Variants in FUT9 observed in about 807,000 individuals in gnomAD.
FUT9 encodes fucosyltransferase 9.
A neutral mutation model predicts 29.7 loss-of-function variants in FUT9; 15 were observed. That is an observed-to-expected ratio of 0.51 (90% confidence interval 0.34 to 0.78). The LOEUF is 0.78. Among genes scored for constraint, FUT9 ranks in the 30% least tolerant of loss-of-function variants. The probability of loss-of-function intolerance (pLI) is 0.01; values close to 1 mark genes in which losing one functional copy is unlikely to be tolerated. For synonymous variants in FUT9, 169 were observed against 153.7 expected, an observed-to-expected ratio of 1.10 and a Z score of -0.74; for missense variants, 319 against 425.4, an observed-to-expected ratio of 0.75 and a Z score of 2.20.
In FUT9 at chr6:96,058,767, G is replaced by A. The variant is rs770441247; in HGVS notation, c.-98+42555G>A. Among the ~76,000 whole-genome samples the A allele has an allele frequency of 1.6e-4, 24 of 152,150 alleles. 1 individual carries two copies. In the Middle Eastern group the frequency reaches 0.01, roughly 65 times the overall value. ...TGGCAATCTTACCTCATGTTGTTTT[G>A]TACTTTGTATACTTGGCTTGGTTTA... On this transcript the variant is annotated intron_variant, in intron 1 of 2. Coordinates refer to ENST00000302103, the MANE Select transcript of FUT9 (RefSeq NM_006581.4).
intron 1 of FUT9, among the ~76,000 whole-genome samples, chr6:96,047,761 T>A (rs567328539): frequency 3.0e-4 from 46 of 152,270 alleles, no homozygotes; most frequent in African/African-American, 9.9e-4. Flanking sequence ...ATAAGATGAC[T>A]TAAGACAGGC....
Position 96,126,206 on chromosome 6 carries a change from G to A in FUT9, c.-9+12079G>A, listed in dbSNP as rs568445684. On this transcript the variant is annotated intron_variant, in intron 2 of 2. Transcript: ENST00000302103. ...GATGAAGAAAAGAAATTTATGGTAC[G>A]GCAGGCTGTACAAGAACCATGGCAC... is the stretch of plus-strand genomic sequence containing the variant. Among the ~76,000 whole-genome samples, 5 of 152,242 alleles carry A rather than the reference G, an allele frequency of 3.3e-5. No homozygotes were observed. The East Asian group carries it at 5.8e-4, about 18-fold the overall frequency.
chr6:96,104,701 T>C (rs1771646342), intron 1 of FUT9, among the ~76,000 whole-genome samples: 1 of 151,928 alleles, frequency 6.6e-6, no homozygotes, highest in African/African-American at 2.4e-5. Flanking sequence ...CGGCACATTT[T>C]TTGTGTTTTC....
At chr6:96,040,623 A>G (rs1001184327) in intron 1 of FUT9, among the ~76,000 whole-genome samples, 7 of 152,178 alleles carry the variant, frequency 4.6e-5, no homozygotes, top group Non-Finnish European at 1.0e-4. Flanking sequence ...CTAAACCCAG[A>G]TACCACAGTT....
chr6:96,138,642 T>C (rs554928817), intron 2 of FUT9, among the ~76,000 whole-genome samples: 1 of 152,328 alleles, frequency 6.6e-6, no homozygotes. Context: ...GTATAGTCTG[T>C]CAGCAACTTC....
intron 1 of FUT9, among the ~76,000 whole-genome samples, chr6:96,083,328 A>G (rs1159691774): frequency 2.0e-5 from 3 of 152,098 alleles, no homozygotes; most frequent in African/African-American, 7.2e-5. Context: ...GTATTGGCTA[A>G]TAATTAATCA....
At chr6:96,134,827 T>C (rs1302597842) in intron 2 of FUT9, among the ~76,000 whole-genome samples, 1 of 151,932 alleles carries the variant, frequency 6.6e-6, no homozygotes, top group African/African-American at 2.4e-5. Flanking sequence ...TCGTGTAGTA[T>C]AGTTTGAATA....
intron 1 of FUT9, among the ~76,000 whole-genome samples, chr6:96,088,025 G>A (rs986178022): frequency 5.3e-5 from 8 of 152,046 alleles, no homozygotes; most frequent in African/African-American, 1.9e-4. Flanking sequence ...ATGTTTCCCT[G>A]CTGTCGTTTG....
intron 1 of FUT9, among the ~76,000 whole-genome samples, chr6:96,072,124 C>T (rs7763181): frequency 0.43 from 64,859 of 151,890 alleles, 14,255 homozygotes; most frequent in East Asian, 0.6. Flanking sequence ...CTATTATAGA[C>T]TCCATTTCTT....
intron 1 of FUT9, among the ~76,000 whole-genome samples, chr6:96,029,057 A>C (rs17055916): frequency 6.6e-6 from 1 of 151,528 alleles, no homozygotes; most frequent in Non-Finnish European, 1.5e-5. Flanking sequence ...CGAGTTCACC[A>C]GGCAAACAAA....
At chr6:96,049,528 G>A (rs1442694218) in intron 1 of FUT9, among the ~76,000 whole-genome samples, 3 of 152,130 alleles carry the variant, frequency 2.0e-5, no homozygotes, top group African/African-American at 4.8e-5. Flanking sequence ...TTTCAAAGGC[G>A]AGGGCCAAGG....
intron 1 of FUT9, among the ~76,000 whole-genome samples, chr6:96,071,575 G>T (rs960696190): frequency 6.6e-6 from 1 of 152,090 alleles, no homozygotes; most frequent in Non-Finnish European, 1.5e-5. Context: ...AAGCTTAAAT[G>T]TCGTTTTAGT....
chr6:96,186,078 T>G (rs1253130450), intron 2 of FUT9, among the ~76,000 whole-genome samples: 1 of 152,140 alleles, frequency 6.6e-6, no homozygotes, highest in Admixed American at 6.6e-5. Context: ...AGTATGTTAA[T>G]TAGTTCATTT....
rs1773868251 is a variant in FUT9, at chr6:96,208,192, T to C, written c.*3957T>C. The C allele has an allele frequency of 7.1e-6, 1 of 140,654 alleles. No individual in the cohort carries two copies. The highest frequency in any genetic ancestry group is 2.4e-4 in the East Asian group (1 of 4,190). The allele number at this position is 140,654 out of a possible 1,614,324, so 8.7% of individuals were successfully genotyped here. ...AATTGGAGGTTAAATATTAAAAGAA[T>C]AGGAAACTATGCCTCTGATATTTTT... On this transcript the variant is annotated 3_prime_UTR_variant, in exon 3 of 3. Transcript: ENST00000302103.
chr6:96,142,065 T>G (rs1303363349), intron 2 of FUT9, among the ~76,000 whole-genome samples: 1 of 152,210 alleles, frequency 6.6e-6, no homozygotes, highest in African/African-American at 2.4e-5. Flanking sequence ...GCTTACACAC[T>G]GGGATGTTTT....
chr6:96,203,079 T>G, intron 2 of FUT9, 69 bp from the exon 3 acceptor site: 1 of 1,117,568 alleles, frequency 8.9e-7, no homozygotes, highest in Non-Finnish European at 1.3e-6. Context: ...TAAATATATC[T>G]CCAATATATT....
chr6:96,064,722 C>T (rs1230821313), intron 1 of FUT9, among the ~76,000 whole-genome samples: 1 of 152,014 alleles, frequency 6.6e-6, no homozygotes, highest in Non-Finnish European at 1.5e-5. Context: ...CATTCTTTAT[C>T]TTTATCTTTC....
intron 2 of FUT9, among the ~76,000 whole-genome samples, chr6:96,120,140 T>C (rs916962001): frequency 3.3e-5 from 5 of 152,138 alleles, no homozygotes; most frequent in African/African-American, 1.2e-4. Context: ...ATTTTATTTT[T>C]TTCTGATTTA....
intron 2 of FUT9, among the ~76,000 whole-genome samples, chr6:96,192,963 T>C (rs1260204660): frequency 1.3e-5 from 2 of 151,978 alleles, no homozygotes; most frequent in East Asian, 1.9e-4. Context: ...AAGGATTCCC[T>C]ATTTAATAAA....
Sources: allele counts gnomAD v4.1 joint callset (sites outside exome capture counted in the v4.1 genomes callset), GRCh38; gene constraint gnomAD v4.1.1; transcripts MANE v1.5; gene names NCBI Gene and HGNC (gene_info 2026-07-23, HGNC 2026-07-21).